Variants in PLA2G4C observed in about 807,000 individuals in gnomAD.
PLA2G4C encodes phospholipase A2 group IVC.
PLA2G4C carries 64 observed loss-of-function variants against 73.8 expected under a neutral mutation model. The observed-to-expected ratio is 0.87, with a 90% CI of 0.71 to 1.07. PLA2G4C has a LOEUF of 1.07. Among genes scored for constraint, PLA2G4C ranks in the 50% least tolerant of loss-of-function variants. The pLI is 0.00. For missense variants in PLA2G4C, 622 were observed against 665.4 expected (o/e 0.93, Z 0.72); for synonymous variants, 254 against 252.1 (o/e 1.01, Z -0.07).
intron 8 of PLA2G4C, among the ~76,000 whole-genome samples, chr19:48,089,314 T>C (rs1251384064): frequency 6.6e-6 from 1 of 152,012 alleles, no homozygotes; most frequent in Admixed American, 6.6e-5. Flanking sequence ...GTAGTCCCAG[T>C]TACTCGGGAG....
At chr19:48,051,871 ATTTTTTTTTTTT>A (rs751616521) in intron 16 of PLA2G4C, 1 of 119,042 alleles carries the variant, frequency 8.4e-6, no homozygotes, top group Non-Finnish European at 1.7e-5. Context: ...TTTCAGCTTA[ATTTTTTTTTTTT>A]TTTTTTTTTT....
intron 14 of PLA2G4C, among the ~76,000 whole-genome samples, chr19:48,056,151 C>T (rs183591918): frequency 1.3e-5 from 2 of 152,264 alleles, no homozygotes; most frequent in East Asian, 3.9e-4. Flanking sequence ...TACTGTAGCA[C>T]TGAGGTTACT....
chr19:48,071,652 C>G (rs972767418), intron 12 of PLA2G4C, among the ~76,000 whole-genome samples: 1 of 151,934 alleles, frequency 6.6e-6, no homozygotes, highest in African/African-American at 2.4e-5. Flanking sequence ...ACTACGTTGC[C>G]CAGGCTTGCT....
At chr19:48,092,192 G>A (rs1001523562) in intron 7 of PLA2G4C, among the ~76,000 whole-genome samples, 1 of 152,098 alleles carries the variant, frequency 6.6e-6, no homozygotes, top group African/African-American at 2.4e-5. Context: ...TGGAATTACA[G>A]GCATGCACCA....
intron 5 of PLA2G4C, 121 bp from the exon 6 acceptor site, chr19:48,098,380 C>T: frequency 1.1e-6 from 1 of 884,978 alleles, no homozygotes; most frequent in South Asian, 1.9e-5. Context: ...GGCTGGAGTG[C>T]AGTGGTACAA....
intron 9 of PLA2G4C, among the ~76,000 whole-genome samples, chr19:48,087,484 C>G (rs949125984): frequency 6.6e-6 from 1 of 152,200 alleles, no homozygotes; most frequent in Non-Finnish European, 1.5e-5. Context: ...CACAGTTCCT[C>G]TCTACTCAGA....
chr19:48,088,649 T>C (rs375101518), intron 9 of PLA2G4C, 37 bp downstream of exon 9: 44 of 1,521,996 alleles, frequency 2.9e-5, no homozygotes, highest in Non-Finnish European at 3.8e-5. Flanking sequence ...GCGGTCCCCA[T>C]TATCATCAGG....
chr19:48,089,951 T>C (rs1295173145), intron 8 of PLA2G4C, among the ~76,000 whole-genome samples: 1 of 152,148 alleles, frequency 6.6e-6, no homozygotes, highest in African/African-American at 2.4e-5. Context: ...TTAAAGGGGT[T>C]AAATGTTAAA....
At chr19:48,084,079 T>TGTGTGTGTGTGTGA (rs1230183341) in intron 10 of PLA2G4C, among the ~76,000 whole-genome samples, 2 of 145,938 alleles carry the variant, frequency 1.4e-5, no homozygotes, top group East Asian at 4.0e-4. Context: ...TGTGTGTGTG[T>TGTGTGTGTGTGTGA]GATGGAGTCT....
chr19:48,048,651 A>T (rs1967610555), intron 16 of PLA2G4C, among the ~76,000 whole-genome samples: 1 of 152,228 alleles, frequency 6.6e-6, no homozygotes, highest in Non-Finnish European at 1.5e-5. Flanking sequence ...GCTAGGAGGT[A>T]ACTCTTTGGC....
At chr19:48,074,623 A>G in intron 12 of PLA2G4C, 144 bp downstream of exon 12, 1 of 678,868 alleles carries the variant, frequency 1.5e-6, no homozygotes, top group Non-Finnish European at 2.7e-6. Context: ...GAGATGTGGA[A>G]GGGAACAAAT....
chr19:48,048,396 G>A lies in PLA2G4C; in HGVS notation c.1581-8C>T. ...TCCTTCGGGTAGTAGAGCCTGGGGAGAAAGGAAAGTTAGAAGTTACCACTG... is the reference window on the plus strand; with the variant it reads ...TCCTTCGGGTAGTAGAGCCTGGGGAAAAAGGAAAGTTAGAAGTTACCACTG... On this transcript the variant is annotated splice_polypyrimidine_tract_variant and splice_region_variant and intron_variant, in intron 16 of 16. Coordinates refer to ENST00000599921, the MANE Select transcript of PLA2G4C (RefSeq NM_003706.3). 1 of 1,581,968 alleles carries A rather than the reference G, an allele frequency of 6.3e-7. No individual in the cohort carries two copies. Among genetic ancestry groups the A allele is most frequent in the Non-Finnish European group, 8.6e-7 (1 of 1,168,572 alleles).
chr19:48,052,858 G>A (rs1434580180), intron 16 of PLA2G4C, 139 bp downstream of exon 16: 2 of 833,348 alleles, frequency 2.4e-6, no homozygotes, highest in East Asian at 2.6e-5. Flanking sequence ...GTCCCCTGCT[G>A]AGACGCAAGC....
At chr19:48,101,126 A>ATATATAT (rs1491313107) in intron 4 of PLA2G4C, among the ~76,000 whole-genome samples, 110 of 74,132 alleles carry the variant, frequency 1.5e-3, no homozygotes, top group Middle Eastern at 6.8e-3. Context: ...ATATATATAT[A>ATATATAT]TTTTTTTTTT....
At chr19:48,060,117 G>T (rs989278336) in intron 14 of PLA2G4C, among the ~76,000 whole-genome samples, 18 of 151,992 alleles carry the variant, frequency 1.2e-4, no homozygotes, top group Admixed American at 1.1e-3. Context: ...GCCACTATTG[G>T]TTTGTTTCTT....
intron 12 of PLA2G4C, chr19:48,073,024 CCTT>C (rs2029900398): frequency 6.6e-6 from 1 of 152,204 alleles, no homozygotes; most frequent in Non-Finnish European, 1.5e-5. Context: ...TCTCGCCTCT[CCTT>C]GTCTCTCCAT....
intron 6 of PLA2G4C, 60 bp from the exon 7 acceptor site, chr19:48,095,664 T>G: frequency 1.1e-5 from 17 of 1,538,470 alleles, no homozygotes; most frequent in Middle Eastern, 1.7e-4. Context: ...GTAGCAGGTA[T>G]GCAGGAAAAA....
chr19:48,050,863 A>G (rs776985156), intron 16 of PLA2G4C, among the ~76,000 whole-genome samples: 2 of 151,538 alleles, frequency 1.3e-5, no homozygotes, highest in Non-Finnish European at 2.9e-5. Flanking sequence ...TTTAGTAGAG[A>G]TGGTGTCTTG....
chr19:48,070,327 T>C (rs1368959543), intron 12 of PLA2G4C, among the ~76,000 whole-genome samples: 1 of 152,208 alleles, frequency 6.6e-6, no homozygotes, highest in Non-Finnish European at 1.5e-5. Flanking sequence ...AAGATTATTC[T>C]CAGTAATGTG....
Sources: gnomAD v4.1 joint callset for allele counts (sites outside exome capture counted in the v4.1 genomes callset) on GRCh38, gnomAD v4.1.1 for gene constraint, MANE v1.5 for transcripts, NCBI Gene and HGNC (gene_info 2026-07-23, HGNC 2026-07-21) for gene names.